Variants in DDX52 observed in about 807,000 individuals in gnomAD.
DDX52 encodes probable ATP-dependent RNA helicase DDX52.
DDX52 carries 59 observed loss-of-function variants against 76.1 expected under a neutral mutation model. That is an observed-to-expected ratio of 0.78 (90% confidence interval 0.63 to 0.96). DDX52 has a LOEUF of 0.96. DDX52 is among the 40% of genes least tolerant of loss of function. The probability of loss-of-function intolerance (pLI) is 0.00; values close to 1 mark genes in which losing one functional copy is unlikely to be tolerated. For missense variants in DDX52, 707 were observed against 703.9 expected, an observed-to-expected ratio of 1.00 and a Z score of -0.05; for synonymous variants, 231 against 244.1, an observed-to-expected ratio of 0.95 and a Z score of 0.50.
intron 2 of DDX52, among the ~76,000 whole-genome samples, chr17:37,637,688 C>T (rs2030996577): frequency 6.6e-6 from 1 of 151,982 alleles, no homozygotes; most frequent in Admixed American, 6.6e-5. Context: ...GATTCTCCTG[C>T]CTCAGCCTCC....
chr17:37,612,645 ACT>A lies in DDX52; in HGVS notation c.*1649_*1650del, dbSNP rs1200503911. On this transcript the variant is annotated 3_prime_UTR_variant, in exon 15 of 15. Coordinates refer to ENST00000617633, the MANE Select transcript of DDX52 (RefSeq NM_007010.5). Reference sequence around the variant, plus strand: ...TATCTCTGTCATTAAGTGATGCGTGACTCTATTTGCTCCTTTATCTCTAACAT... The same window carrying A: ...TATCTCTGTCATTAAGTGATGCGTGACTATTTGCTCCTTTATCTCTAACAT... The A allele has an allele frequency of 1.3e-5, 2 of 152,040 alleles. No individual in the cohort carries two copies. Among genetic ancestry groups the A allele is most frequent in the Non-Finnish European group, 2.9e-5 (2 of 68,008 alleles). 9.4% of individuals were successfully genotyped at this position (152,040 alleles called of 1,614,324 possible). A position where few individuals can be genotyped will look rare whatever the true frequency, so the allele number is the denominator to read the frequency against.
At chr17:37,636,430 A>G (rs2030930615) in intron 2 of DDX52, among the ~76,000 whole-genome samples, 1 of 152,166 alleles carries the variant, frequency 6.6e-6, no homozygotes. Flanking sequence ...TCACTGATCT[A>G]TATATAAGGG....
Position 37,642,302 on chromosome 17 carries a change from T to C in DDX52, c.94A>G (p.Lys32Glu), listed in dbSNP as rs754469906. The C allele has an allele frequency of 1.2e-6, 2 of 1,612,808 alleles. No homozygotes were observed. Among genetic ancestry groups the C allele is most frequent in the Admixed American group, 1.7e-5 (1 of 59,610 alleles). Residue 32 changes from lysine (K) to glutamate (E), a missense_variant, in exon 2 of 15, where the codon AAA (lysine) becomes GAA (glutamate). By Grantham distance (56) the Lys-to-Glu change is moderately conservative. Transcript: ENST00000617633. ...GAAGAATCAAAGTCATATTTCCTTT[T>C]TCCTATCTAAAACCCAAAAAATGTA... ...SADAARFQIG[K>E]RKYDFDSSEV...
chr17:37,633,161 T>C (rs748717818), intron 3 of DDX52, 127 bp downstream of exon 3: 1 of 1,056,280 alleles, frequency 9.5e-7, no homozygotes, highest in Non-Finnish European at 1.3e-6. Flanking sequence ...AAAATCTAAA[T>C]GAATGTAATT....
intron 2 of DDX52, among the ~76,000 whole-genome samples, chr17:37,639,072 T>C (rs1306635700): frequency 6.6e-6 from 1 of 151,836 alleles, no homozygotes; most frequent in Non-Finnish European, 1.5e-5. Flanking sequence ...GCACCCAGCC[T>C]AGAATTTTAA....
rs202139121 is a variant in DDX52, at chr17:37,614,346, C to T, written c.1750G>A (p.Val584Ile). 1 of 1,610,254 alleles carries T rather than the reference C, an allele frequency of 6.2e-7. No homozygotes were observed. Residue 584 changes from valine to isoleucine, a missense_variant, in exon 15 of 15, where the codon GTC becomes ATC. Physicochemically the swap from Val to Ile is conservative, Grantham distance 29. Coordinates refer to ENST00000617633, the MANE Select transcript of DDX52 (RefSeq NM_007010.5). ...TTCTTCTTGCTGTTCTGACCAGTGA[C>T]CTTTTTCCTGTAAAGAGCAAAGTAA... ...LEKAKDKQKK[V>I]TGQNSKKKVA... is the part of the protein sequence containing the mutation.
Position 37,629,467 on chromosome 17 carries a change from G to A in DDX52, c.747+563C>T, listed in dbSNP as rs531150300. Among the ~76,000 whole-genome samples, 3 of 152,218 alleles carry A rather than the reference G, an allele frequency of 2.0e-5. No homozygotes were observed. In the South Asian group the frequency reaches 6.2e-4, roughly 32 times the overall value. On this transcript the variant is annotated intron_variant, in intron 5 of 14. Coordinates refer to ENST00000617633, the MANE Select transcript of DDX52 (RefSeq NM_007010.5). ...GTGGGAGGATCACTTGAACCCAGGA[G>A]TTCAAGACCAGCCTGGGTAACATAG...
At chr17:37,620,784 C>T in intron 12 of DDX52, 89 bp downstream of exon 12, 1 of 1,276,410 alleles carries the variant, frequency 7.8e-7, no homozygotes, top group Non-Finnish European at 1.0e-6. Context: ...TGGGACATAG[C>T]CATTTTGTAA....
chr17:37,631,272 A>G (rs1356237672), intron 4 of DDX52: 1 of 152,266 alleles, frequency 6.6e-6, no homozygotes, highest in Non-Finnish European at 1.5e-5. Flanking sequence ...AAATTGTGGT[A>G]TATTCATACA....
chr17:37,610,626 C>T lies in DDX52; in HGVS notation c.*3670G>A, dbSNP rs542064745. On this transcript the variant is annotated 3_prime_UTR_variant, in exon 15 of 15. Coordinates refer to ENST00000617633, the MANE Select transcript of DDX52 (RefSeq NM_007010.5). ...CAAACCACTGGTCAGGAACTGTACA[C>T]GCATTTTAAAAAATCCTCAGTATCC... 2.6e-5 allele frequency: 4 copies of T among 152,234 alleles called. No homozygotes were observed. Among genetic ancestry groups the T allele is most frequent in the South Asian group, 4.2e-4 (2 of 4,816 alleles). The allele number at this position is 152,234 out of a possible 1,614,324, so 9.4% of individuals were successfully genotyped here.
chr17:37,615,498 C>G (rs545659233), intron 14 of DDX52, among the ~76,000 whole-genome samples: 1 of 152,046 alleles, frequency 6.6e-6, no homozygotes, highest in Admixed American at 6.5e-5. Context: ...GGCAATATGG[C>G]AAAACCCCAT....
intron 2 of DDX52, among the ~76,000 whole-genome samples, chr17:37,634,364 G>C (rs1407063480): frequency 6.6e-6 from 1 of 151,778 alleles, no homozygotes; most frequent in African/African-American, 2.4e-5. Context: ...AGGTGCGGTG[G>C]CTCATGCCTG....
Position 37,632,135 on chromosome 17 carries a change from T to A in DDX52, c.581A>T (p.Gln194Leu). The A allele has an allele frequency of 6.2e-7, 1 of 1,613,204 alleles. No homozygotes were observed. The highest frequency in any genetic ancestry group is 8.5e-7 in the Non-Finnish European group (1 of 1,179,852). Reference protein sequence around the residue: ...GFQMPTPIQMQAIPVMLHGRE... With the variant: ...GFQMPTPIQMLAIPVMLHGRE... ...CACATGCAGCATAACTGGGATGGCTTGCATTTGGATTGGCGTAGGCATTTG... is the reference window on the plus strand; with the variant it reads ...CACATGCAGCATAACTGGGATGGCTAGCATTTGGATTGGCGTAGGCATTTG... Residue 194 changes from glutamine (Q) to leucine (L), a missense_variant, in exon 4 of 15, where the codon CAA (glutamine) becomes CTA (leucine). Transcript: ENST00000617633.
At chr17:37,630,450 T>C (rs1468619726) in intron 4 of DDX52, among the ~76,000 whole-genome samples, 2 of 152,208 alleles carry the variant, frequency 1.3e-5, no homozygotes, top group African/African-American at 2.4e-5. Flanking sequence ...ATATCCATTA[T>C]TTCAATTTTT....
Position 37,614,162 on chromosome 17 carries a change from C to A in DDX52, c.*134G>T. The A allele has an allele frequency of 1.1e-6, 1 of 876,938 alleles. No individual in the cohort carries two copies. The allele number at this position is 876,938 out of a possible 1,614,324, so 54.3% of individuals were successfully genotyped here. ...TTGATAGTTTAGGATCATTTATCAC[C>A]AGTCCCATGTACTTGTAGTTGATTT... On this transcript the variant is annotated 3_prime_UTR_variant, in exon 15 of 15. Transcript: ENST00000617633.
chr17:37,620,599 T>TA, intron 12 of DDX52: 1 of 305,080 alleles, frequency 3.3e-6, no homozygotes, highest in Non-Finnish European at 6.0e-6. Context: ...TCTTCTACAT[T>TA]AAAATCTAAC....
At chr17:37,638,226 G>A (rs933320969) in intron 2 of DDX52, among the ~76,000 whole-genome samples, 2 of 152,190 alleles carry the variant, frequency 1.3e-5, no homozygotes, top group Admixed American at 1.3e-4. Context: ...CCAAAGAGTA[G>A]TATCTGCTTA....
intron 2 of DDX52, among the ~76,000 whole-genome samples, chr17:37,638,770 C>CTTTTTT (rs920881727): frequency 8.7e-6 from 1 of 114,820 alleles, no homozygotes; most frequent in African/African-American, 3.7e-5. Flanking sequence ...TGTTTTTTTT[C>CTTTTTT]TTTTTTTTTT....
chr17:37,622,537 G>A (rs1298814344), intron 9 of DDX52, among the ~76,000 whole-genome samples: 8 of 151,654 alleles, frequency 5.3e-5, no homozygotes, highest in South Asian at 2.1e-4. Flanking sequence ...CTGATGATCC[G>A]CCCGCTTCGG....
Sources: allele counts gnomAD v4.1 joint callset (sites outside exome capture counted in the v4.1 genomes callset), GRCh38; gene constraint gnomAD v4.1.1; transcripts MANE v1.5; gene names NCBI Gene and HGNC (gene_info 2026-07-23, HGNC 2026-07-21).